The following GALNTL6 variants were observed in gnomAD, a reference collection of about 807,000 sequenced individuals.
GALNTL6 encodes polypeptide N-acetylgalactosaminyltransferase like 6, also known as polypeptide N-acetylgalactosaminyltransferase-like 6.
In GALNTL6, 46 loss-of-function variants were observed where a neutral mutation model predicts 73.7. The observed-to-expected ratio is 0.62, with a 90% confidence interval of 0.49 to 0.80. The LOEUF is 0.80. Among genes scored for constraint, GALNTL6 ranks in the 30% least tolerant of loss-of-function variants. GALNTL6 has a pLI of 0.00. For missense variants in GALNTL6, 604 were observed against 755.0 expected (o/e 0.80, Z 2.34); for synonymous variants, 259 against 263.7 (o/e 0.98, Z 0.17).
At chr4:171,838,965 A>C (rs1735173699) in intron 2 of GALNTL6, among the ~76,000 whole-genome samples, 2 of 152,100 alleles carry the variant, frequency 1.3e-5, no homozygotes, top group Non-Finnish European at 2.9e-5. Flanking sequence ...TGTCTCAAGC[A>C]CCAGTTTCCC....
intron 2 of GALNTL6, among the ~76,000 whole-genome samples, chr4:171,857,183 C>A (rs1182730338): frequency 1.3e-5 from 2 of 152,024 alleles, no homozygotes; most frequent in African/African-American, 2.4e-5. Context: ...GTGAAATAAA[C>A]TAAGTGCCTT....
intron 2 of GALNTL6, among the ~76,000 whole-genome samples, chr4:172,098,858 C>T (rs1271109907): frequency 6.6e-6 from 1 of 152,054 alleles, no homozygotes; most frequent in Admixed American, 6.6e-5. Context: ...TGATGATACA[C>T]AGGTCAGTAC....
chr4:172,564,768 G>A (rs1432947820), intron 5 of GALNTL6, among the ~76,000 whole-genome samples: 2 of 152,316 alleles, frequency 1.3e-5, no homozygotes, highest in East Asian at 3.9e-4. Flanking sequence ...CTCTTGAGGA[G>A]AATCCAGAGA....
intron 4 of GALNTL6, among the ~76,000 whole-genome samples, chr4:172,338,586 G>A (rs1741431894): frequency 6.6e-6 from 1 of 152,172 alleles, no homozygotes; most frequent in African/African-American, 2.4e-5. Flanking sequence ...TGCAGTTCAA[G>A]CTCCGGGCCA....
At chr4:172,793,443 CAT>C (rs965317870) in intron 5 of GALNTL6, among the ~76,000 whole-genome samples, 1 of 152,156 alleles carries the variant, frequency 6.6e-6, no homozygotes, top group Non-Finnish European at 1.5e-5. Context: ...AAAAAATCAA[CAT>C]CATGTCTATC....
rs76364083 is a variant in GALNTL6 at position 172,342,620 on chromosome 4, G to C, written c.387-5903G>C. 6.2e-3 allele frequency among the ~76,000 whole-genome samples: 940 copies of C among 152,300 alleles called. 2 individuals are homozygous for C. Among genetic ancestry groups the C allele is most frequent in the Middle Eastern group, 0.017 (5 of 294 alleles). ...TATCCTCTGTTGTCATGCTTCTATG[G>C]ATGTGGGACTGTAAATATTCTGTTT... On this transcript the variant is annotated intron_variant, in intron 4 of 12. Coordinates refer to ENST00000506823, the MANE Select transcript of GALNTL6 (RefSeq NM_001034845.3).
At chr4:172,477,569 G>A (rs1375526336) in intron 5 of GALNTL6, among the ~76,000 whole-genome samples, 1 of 152,096 alleles carries the variant, frequency 6.6e-6, no homozygotes, top group Non-Finnish European at 1.5e-5. Flanking sequence ...TGGTAAGATG[G>A]TAAAAGACTT....
At chr4:172,940,016 G>A (rs1748833486) in intron 9 of GALNTL6, among the ~76,000 whole-genome samples, 1 of 151,890 alleles carries the variant, frequency 6.6e-6, no homozygotes, top group Non-Finnish European at 1.5e-5. Flanking sequence ...ACAATATGGA[G>A]GTAAAGCATA....
chr4:172,403,130 G>A (rs1744098973), intron 5 of GALNTL6, among the ~76,000 whole-genome samples: 1 of 151,988 alleles, frequency 6.6e-6, no homozygotes, highest in Admixed American at 6.6e-5. Context: ...GTTTCCCAGT[G>A]TCTGACTAGG....
At chr4:172,486,096 G>A (rs551776523) in intron 5 of GALNTL6, among the ~76,000 whole-genome samples, 15 of 152,288 alleles carry the variant, frequency 9.8e-5, no homozygotes, top group Non-Finnish European at 2.1e-4. Flanking sequence ...TATGATGTGC[G>A]CTGGAGATTT....
intron 5 of GALNTL6, among the ~76,000 whole-genome samples, chr4:172,611,641 A>G (rs1738530175): frequency 2.0e-5 from 3 of 152,112 alleles, no homozygotes; most frequent in South Asian, 2.1e-4. Context: ...TCTGATGACT[A>G]TGTATCCTGA....
intron 7 of GALNTL6, among the ~76,000 whole-genome samples, chr4:172,876,854 T>A (rs1745222864): frequency 6.6e-6 from 1 of 152,224 alleles, no homozygotes; most frequent in Non-Finnish European, 1.5e-5. Context: ...GAATTCTAGT[T>A]GAAAATAATT....
intron 2 of GALNTL6, among the ~76,000 whole-genome samples, chr4:172,051,413 G>A (rs890003683): frequency 2.0e-5 from 3 of 152,122 alleles, no homozygotes; most frequent in African/African-American, 7.2e-5. Flanking sequence ...GTCACACATG[G>A]ACTTGAAGGA....
At chr4:172,997,308 G>T (rs1208127199) in intron 10 of GALNTL6, among the ~76,000 whole-genome samples, 3 of 152,180 alleles carry the variant, frequency 2.0e-5, no homozygotes, top group African/African-American at 2.4e-5. Context: ...TTAGACATGG[G>T]TGCGAATCCT....
intron 2 of GALNTL6, among the ~76,000 whole-genome samples, chr4:172,132,561 G>T (rs1733527747): frequency 6.6e-6 from 1 of 152,018 alleles, no homozygotes; most frequent in Non-Finnish European, 1.5e-5. Flanking sequence ...GCATGTACCT[G>T]TGCCTGCATG....
chr4:172,558,625 A>G (rs1169940570), intron 5 of GALNTL6, among the ~76,000 whole-genome samples: 1 of 152,186 alleles, frequency 6.6e-6, no homozygotes, highest in Non-Finnish European at 1.5e-5. Flanking sequence ...ACTGTGAGGT[A>G]ATACATTTAT....
At chr4:172,206,269 G>C (rs1413965277) in intron 2 of GALNTL6, among the ~76,000 whole-genome samples, 1 of 152,050 alleles carries the variant, frequency 6.6e-6, no homozygotes, top group Non-Finnish European at 1.5e-5. Flanking sequence ...CAACAATGAT[G>C]ATCTGAGAAA....
intron 5 of GALNTL6, among the ~76,000 whole-genome samples, chr4:172,593,884 C>T (rs1207251716): frequency 6.6e-6 from 1 of 152,070 alleles, no homozygotes; most frequent in Non-Finnish European, 1.5e-5. Flanking sequence ...CATGTGCCAC[C>T]ACACCCAGCT....
intron 2 of GALNTL6, among the ~76,000 whole-genome samples, chr4:172,169,817 A>G (rs983018977): frequency 1.3e-5 from 2 of 152,242 alleles, no homozygotes; most frequent in Non-Finnish European, 2.9e-5. Flanking sequence ...CCTCTCTGAT[A>G]ATAATCACAA....
Sources: gnomAD v4.1 joint callset for allele counts (sites outside exome capture counted in the v4.1 genomes callset) on GRCh38, gnomAD v4.1.1 for gene constraint, MANE v1.5 for transcripts, NCBI Gene and HGNC (gene_info 2026-07-23, HGNC 2026-07-21) for gene names.